Variants in SSBP2 observed in about 807,000 individuals in gnomAD.
The protein encoded by SSBP2 is single-stranded DNA-binding protein 2.
SSBP2 carries 17 observed loss-of-function variants against 61.8 expected under a neutral mutation model. The ratio of observed to expected loss-of-function variants is 0.28; its 90% CI spans 0.19 to 0.41. The LOEUF is 0.41. Among genes scored for constraint, SSBP2 ranks in the 10% least tolerant of loss-of-function variants. SSBP2 has a pLI of 1.00. For synonymous variants in SSBP2, 139 were observed against 141.3 expected, an observed-to-expected ratio of 0.98 and a Z score of 0.12; for missense variants, 310 against 458.7, an observed-to-expected ratio of 0.68 and a Z score of 2.96.
intron 6 of SSBP2, among the ~76,000 whole-genome samples, chr5:81,475,722 A>G (rs1765540314): frequency 6.6e-6 from 1 of 152,156 alleles, no homozygotes; most frequent in African/African-American, 2.4e-5. Context: ...CGAAGCTTAC[A>G]GACCCTTAAG....
intron 4 of SSBP2, among the ~76,000 whole-genome samples, chr5:81,594,918 T>A (rs1453208699): frequency 6.6e-6 from 1 of 151,720 alleles, no homozygotes; most frequent in Non-Finnish European, 1.5e-5. Context: ...CACCCTAACA[T>A]CACAATTAAA....
intron 4 of SSBP2, among the ~76,000 whole-genome samples, chr5:81,514,843 T>C (rs1380797428): frequency 6.6e-6 from 1 of 152,066 alleles, no homozygotes; most frequent in African/African-American, 2.4e-5. Context: ...CCAATGATTT[T>C]AGTATTTCCT....
At chr5:81,548,030 A>G (rs1019638242) in intron 4 of SSBP2, among the ~76,000 whole-genome samples, 18 of 152,326 alleles carry the variant, frequency 1.2e-4, no homozygotes, top group Non-Finnish European at 2.6e-4. Flanking sequence ...AATATACAAT[A>G]TATACGTATC....
intron 4 of SSBP2, among the ~76,000 whole-genome samples, chr5:81,514,646 C>T (rs1029089524): frequency 1.3e-5 from 2 of 151,932 alleles, no homozygotes; most frequent in Non-Finnish European, 2.9e-5. Context: ...ATCAAAGCAA[C>T]TCTTGTATCT....
At chr5:81,638,872 C>T (rs970790200) in intron 2 of SSBP2, among the ~76,000 whole-genome samples, 1 of 152,112 alleles carries the variant, frequency 6.6e-6, no homozygotes, top group African/African-American at 2.4e-5. Flanking sequence ...GAAAATTAAG[C>T]TTCTATTTAA....
chr5:81,648,156 C>CT (rs1749428553), intron 2 of SSBP2, among the ~76,000 whole-genome samples: 1 of 151,962 alleles, frequency 6.6e-6, no homozygotes, highest in Non-Finnish European at 1.5e-5. Flanking sequence ...TCCTTTAAGA[C>CT]ACTGTAAGTT....
intron 2 of SSBP2, among the ~76,000 whole-genome samples, chr5:81,644,503 C>G (rs2153695583): frequency 6.6e-6 from 1 of 152,234 alleles, no homozygotes; most frequent in Admixed American, 6.5e-5. Flanking sequence ...AGGAAAACAG[C>G]TTAGTGAAAA....
At chr5:81,623,045 C>T (rs1746766516) in intron 3 of SSBP2, among the ~76,000 whole-genome samples, 1 of 114,084 alleles carries the variant, frequency 8.8e-6, no homozygotes. Context: ...AATAATAAAA[C>T]CCGTAGATAA....
intron 16 of SSBP2, among the ~76,000 whole-genome samples, chr5:81,423,090 CAG>C (rs1260144938): frequency 3.3e-5 from 5 of 152,166 alleles, no homozygotes; most frequent in Non-Finnish European, 7.4e-5. Flanking sequence ...TAGAAAAAAT[CAG>C]AGAATATGGC....
intron 6 of SSBP2, among the ~76,000 whole-genome samples, chr5:81,488,060 A>ATATATAT (rs1561459590): frequency 4.9e-4 from 28 of 56,790 alleles, no homozygotes; most frequent in South Asian, 4.2e-3. Flanking sequence ...TATATATATA[A>ATATATAT]ATAAAATATC....
chr5:81,706,909 C>G (rs1458044214), intron 1 of SSBP2, among the ~76,000 whole-genome samples: 1 of 152,170 alleles, frequency 6.6e-6, no homozygotes, highest in Non-Finnish European at 1.5e-5. Flanking sequence ...TGAGGTGACA[C>G]ACAGACTTAC....
chr5:81,626,492 G>A (rs1747159573), intron 3 of SSBP2, among the ~76,000 whole-genome samples: 2 of 152,214 alleles, frequency 1.3e-5, no homozygotes, highest in South Asian at 2.1e-4. Context: ...TAACGTGAGT[G>A]TGGTTTTAAG....
At chr5:81,521,018 T>C (rs1580905427) in intron 4 of SSBP2, among the ~76,000 whole-genome samples, 1 of 152,184 alleles carries the variant, frequency 6.6e-6, no homozygotes, top group African/African-American at 2.4e-5. Context: ...TCATCTCCCA[T>C]CCATTTATTT....
intron 1 of SSBP2, among the ~76,000 whole-genome samples, chr5:81,669,432 A>C (rs1281342651): frequency 6.6e-6 from 1 of 152,248 alleles, no homozygotes; most frequent in Non-Finnish European, 1.5e-5. Context: ...AGATGATTTC[A>C]GTAGGTGAAT....
intron 16 of SSBP2, among the ~76,000 whole-genome samples, chr5:81,426,746 T>A (rs905144831): frequency 1.3e-5 from 2 of 152,210 alleles, no homozygotes; most frequent in Admixed American, 1.3e-4. Context: ...TCTGAATTGG[T>A]ACCCCTCTTC....
At chr5:81,610,338 T>C (rs2153585809) in intron 4 of SSBP2, among the ~76,000 whole-genome samples, 1 of 152,342 alleles carries the variant, frequency 6.6e-6, no homozygotes, top group East Asian at 1.9e-4. Flanking sequence ...TACAGCATAG[T>C]TACATTTGTT....
chr5:81,567,762 T>C (rs769612462), intron 4 of SSBP2, among the ~76,000 whole-genome samples: 3 of 152,208 alleles, frequency 2.0e-5, no homozygotes, highest in Non-Finnish European at 4.4e-5. Flanking sequence ...GGAACCCACC[T>C]CTTGCATCAG....
chr5:81,565,534 T>C (rs1277530166), intron 4 of SSBP2, among the ~76,000 whole-genome samples: 1 of 152,188 alleles, frequency 6.6e-6, no homozygotes, highest in African/African-American at 2.4e-5. Context: ...TGTTTCCCTA[T>C]ACTATAGTAA....
chr5:81,680,921 ATATAAT>A (rs1324489198), intron 1 of SSBP2, among the ~76,000 whole-genome samples: 1 of 152,190 alleles, frequency 6.6e-6, no homozygotes, highest in Non-Finnish European at 1.5e-5. Context: ...AATAAACTGG[ATATAAT>A]TGACATCTAT....
Sources: allele counts gnomAD v4.1 joint callset (sites outside exome capture counted in the v4.1 genomes callset), GRCh38; gene constraint gnomAD v4.1.1; transcripts MANE v1.5; gene names NCBI Gene and HGNC (gene_info 2026-07-23, HGNC 2026-07-21).